The following EPHX3 variants were observed in gnomAD, a reference collection of about 807,000 sequenced individuals.
The protein encoded by EPHX3 is epoxide hydrolase 3, also known as abhydrolase domain containing 9.
In EPHX3, 39 loss-of-function variants were observed where a neutral mutation model predicts 40.2. The observed-to-expected ratio is 0.97, with a 90% CI of 0.75 to 1.27. EPHX3 has a LOEUF of 1.27. EPHX3 is among the 50% of genes most tolerant of loss of function. The pLI, the probability that EPHX3 is intolerant of heterozygous loss-of-function variation, is 0.00. For synonymous variants in EPHX3, 213 were observed against 209.7 expected (o/e 1.02, Z -0.14); for missense variants, 442 against 474.0 (o/e 0.93, Z 0.63).
In EPHX3 at chr19:15,227,725, C is replaced by T. The variant is rs1431480316; in HGVS notation, c.857+46G>A. 1.9e-6 allele frequency: 3 copies of T among 1,610,354 alleles called. No homozygotes were observed. The South Asian group carries it at 3.3e-5, about 18-fold the overall frequency. ...AGAAGGATGGTTGCCTCCCACCCCC[C>T]TGCCCCTGCAAATCTCCTGAGCTTA... is the stretch of plus-strand genomic sequence containing the variant. On this transcript the variant is annotated intron_variant, in intron 6 of 6. Transcript: ENST00000221730.
intron 4 of EPHX3, among the ~76,000 whole-genome samples, chr19:15,230,218 G>C (rs906345627): frequency 6.6e-6 from 1 of 152,054 alleles, no homozygotes; most frequent in African/African-American, 2.4e-5. Flanking sequence ...ATCCAGGCTG[G>C]AGTGCAGTGG....
intron 4 of EPHX3, among the ~76,000 whole-genome samples, chr19:15,229,885 CAAAAAAA>C (rs546876108): frequency 0.09 from 837 of 9,346 alleles, 5 homozygotes; most frequent in Non-Finnish European, 0.14. Flanking sequence ...GACTCTGTCT[CAAAAAAA>C]AAAAAAAAAA....
chr19:15,231,256 T>A lies in EPHX3; in HGVS notation c.470A>T (p.Asp157Val). The change falls in exon 3 of 7, where the codon GAT becomes GTT. Residue 157 changes from aspartate (D) to valine (V), a missense_variant. Physicochemically the swap from Asp to Val is radical, Grantham distance 152 (BLOSUM62 -3). Transcript: ENST00000221730. ...GTCTGCACCCAGGCCTAGGATGACA[T>A]CTTTGATGTCCACCAGCAGCAGGTC... The part of the protein sequence containing the change: ...TIDLLLVDIK[D>V]VILGLGYSKC... 2 of 1,613,880 alleles carry A rather than the reference T, an allele frequency of 1.2e-6. No individual in the cohort carries two copies. The highest frequency in any genetic ancestry group is 1.3e-5 in the African/African-American group (1 of 74,966).
upstream of EPHX3, among the ~76,000 whole-genome samples, chr19:15,234,610 T>C (rs896574298): frequency 6.6e-6 from 1 of 152,198 alleles, no homozygotes; most frequent in Admixed American, 6.5e-5. Flanking sequence ...CCTTTATTTC[T>C]TGACTTAACC....
chr19:15,230,294 G>A (rs1315118172), intron 4 of EPHX3, among the ~76,000 whole-genome samples: 6 of 151,884 alleles, frequency 4.0e-5, no homozygotes, highest in Admixed American at 1.3e-4. Context: ...TCAGCCTCCC[G>A]AGTAGCTGAG....
upstream of EPHX3, among the ~76,000 whole-genome samples, chr19:15,235,169 T>A (rs1197252568): frequency 6.6e-6 from 1 of 151,998 alleles, no homozygotes; most frequent in Non-Finnish European, 1.5e-5. Context: ...GCCCCGCTAA[T>A]TTTTTGTATT....
chr19:15,232,450 G>A, upstream of EPHX3: 1 of 1,341,008 alleles, frequency 7.5e-7, no homozygotes, highest in Non-Finnish European at 9.5e-7. Flanking sequence ...AACAAGGGTA[G>A]GGTGCGGAGG....
chr19:15,227,232 T>A lies in EPHX3; in HGVS notation c.*205A>T, dbSNP rs2076874036. On this transcript the variant is annotated 3_prime_UTR_variant, in exon 7 of 7. Transcript: ENST00000221730. ...AAAGTGTTTGTTACACACACATGCATCCATGCCTGTGTGTGAGTATAGGGG... is the reference window on the plus strand; with the variant it reads ...AAAGTGTTTGTTACACACACATGCAACCATGCCTGTGTGTGAGTATAGGGG... 1 of 591,738 alleles carries A rather than the reference T, an allele frequency of 1.7e-6. No homozygotes were observed. The highest frequency in any genetic ancestry group is 1.9e-5 in the African/African-American group (1 of 53,732). The allele number at this position is 591,738 out of a possible 1,614,324, so 36.7% of individuals were successfully genotyped here. A position where few individuals can be genotyped will look rare whatever the true frequency, so the allele number is the denominator to read the frequency against.
At chr19:15,228,528 TTTTTTTTTG>T (rs2047130034) in intron 4 of EPHX3, among the ~76,000 whole-genome samples, 1 of 131,810 alleles carries the variant, frequency 7.6e-6, no homozygotes, top group Non-Finnish European at 1.6e-5. Context: ...TTTTTTTTTT[TTTTTTTTTG>T]AGACAGAGTC....
chr19:15,232,320 C>T lies in EPHX3; in HGVS notation c.-109G>A. On this transcript the variant is annotated 5_prime_UTR_variant, in exon 1 of 7. Transcript: ENST00000221730. ...CATCGCCCTTGGCCTGGGGCCCCTC[C>T]GTGCCGTCGGGATTTGTGGGACGCG... 7.3e-7 allele frequency: 1 copy of T among 1,379,270 alleles called. No individual in the cohort carries two copies. The highest frequency in any genetic ancestry group is 9.3e-7 in the Non-Finnish European group (1 of 1,076,594). 85.4% of individuals were successfully genotyped at this position (1,379,270 alleles called of 1,614,324 possible).
intron 4 of EPHX3, among the ~76,000 whole-genome samples, chr19:15,229,978 T>G (rs957675107): frequency 1.3e-5 from 2 of 149,960 alleles, no homozygotes; most frequent in Admixed American, 1.3e-4. Flanking sequence ...ACCACAGTGC[T>G]GCATATTAAC....
chr19:15,228,669 C>T (rs1478951310), intron 4 of EPHX3, among the ~76,000 whole-genome samples: 1 of 151,626 alleles, frequency 6.6e-6, no homozygotes. Context: ...AGGCACCCGC[C>T]ACCACGTCCG....
Position 15,230,951 on chromosome 19 carries a change from C to T in EPHX3, c.616+11G>A, listed in dbSNP as rs200624047. 7 of 1,613,694 alleles carry T rather than the reference C, an allele frequency of 4.3e-6. No homozygotes were observed. The highest frequency in any genetic ancestry group is 5.1e-6 in the Non-Finnish European group (6 of 1,179,816). Reference sequence around the variant, plus strand: ...TAAGTACATCCCAGTGTCCCGGACTCCCACACACACCTTGGTACACCGACA... The same window carrying T: ...TAAGTACATCCCAGTGTCCCGGACTTCCACACACACCTTGGTACACCGACA... On this transcript the variant is annotated intron_variant, in intron 4 of 6. Coordinates refer to ENST00000221730, the MANE Select transcript of EPHX3 (RefSeq NM_024794.3).
At position 15,230,990 on chromosome 19, in the gene EPHX3, G is replaced by T; in HGVS notation, c.588C>A (p.Val196=). ...YPSLVERMVV[V]SGAPMSVYQD... is the part of the protein sequence containing the mutation. Reference sequence around the variant, plus strand: ...GGTACACCGACATGGGGGCACCACTGACCACAACCATCCGCTCGACCAGGG... The same window carrying T: ...GGTACACCGACATGGGGGCACCACTTACCACAACCATCCGCTCGACCAGGG... Residue 196 remains valine, a synonymous_variant, in exon 4 of 7, where the codon GTC becomes GTA. Transcript: ENST00000221730. 6.2e-7 allele frequency: 1 copy of T among 1,613,996 alleles called. No individual in the cohort carries two copies. The highest frequency in any genetic ancestry group is 1.1e-5 in the South Asian group (1 of 91,058).
At chr19:15,232,471 A>G, upstream of EPHX3, 1 of 1,307,792 alleles carries the variant, frequency 7.6e-7, no homozygotes, top group South Asian at 2.0e-5. Flanking sequence ...CTGGGGAGGA[A>G]GAGGTTGGAA....
rs767082518 is a variant in EPHX3 at position 15,231,404 on chromosome 19, G to A, written c.330-8C>T. The A allele has an allele frequency of 1.1e-5, 18 of 1,612,926 alleles. No homozygotes were observed. The South Asian group carries it at 1.8e-4, about 16-fold the overall frequency. On this transcript the variant is annotated splice_polypyrimidine_tract_variant and splice_region_variant and intron_variant, in intron 2 of 6. Transcript: ENST00000221730. ...TGGTAACGCCAGGAGAACCTGCCAG[G>A]CGGGCGAGGGAGGGAGGCTGAGTCA...
upstream of EPHX3, among the ~76,000 whole-genome samples, chr19:15,234,665 A>G (rs1211334593): frequency 6.6e-6 from 1 of 152,124 alleles, no homozygotes; most frequent in Admixed American, 6.5e-5. Context: ...ACTACCCCGG[A>G]CGTGCCGTTT....
chr19:15,230,889 T>A lies in EPHX3; in HGVS notation c.616+73A>T, dbSNP rs2047148244. 5.7e-6 allele frequency: 9 copies of A among 1,576,578 alleles called. No individual in the cohort carries two copies. The Admixed American group carries it at 6.9e-5, about 12-fold the overall frequency. On this transcript the variant is annotated intron_variant, in intron 4 of 6. Coordinates refer to ENST00000221730, the MANE Select transcript of EPHX3 (RefSeq NM_024794.3). ...GATGTGTTGACAGGTATACAGAGAA[T>A]TGAAAACACAGACACATGTCCCTGC...
In EPHX3 at chr19:15,227,122, T is replaced by C; in HGVS notation, c.*315A>G. 2.5e-6 allele frequency: 1 copy of C among 395,814 alleles called. No homozygotes were observed. The highest frequency in any genetic ancestry group is 4.7e-6 in the Non-Finnish European group (1 of 213,450). 24.5% of individuals were successfully genotyped at this position (395,814 alleles called of 1,614,324 possible). A position where few individuals can be genotyped will look rare whatever the true frequency, so the allele number is the denominator to read the frequency against. On this transcript the variant is annotated 3_prime_UTR_variant, in exon 7 of 7. Coordinates refer to ENST00000221730, the MANE Select transcript of EPHX3 (RefSeq NM_024794.3). ...GAAGCGACTTTGGCAAAGCGCAGAG[T>C]GAGGCCCCAGGAAGGGAGGAGGTGG... is the stretch of plus-strand genomic sequence containing the variant.
Sources: allele counts gnomAD v4.1 joint callset (sites outside exome capture counted in the v4.1 genomes callset), GRCh38; gene constraint gnomAD v4.1.1; transcripts MANE v1.5; gene names NCBI Gene and HGNC (gene_info 2026-07-23, HGNC 2026-07-21).